The following SOX6 variants were observed in gnomAD, a reference collection of about 807,000 sequenced individuals.
SOX6 encodes the protein SRY-box transcription factor 6.
A neutral mutation model predicts 97.8 loss-of-function variants in SOX6; 11 were observed. The observed-to-expected ratio is 0.11, with a 90% CI of 0.07 to 0.19. The LOEUF (loss-of-function observed/expected upper bound fraction) is 0.19, where lower values mean the gene tolerates loss of function less well. Ranked by LOEUF, SOX6 falls within the 10% of genes least tolerant of loss-of-function variation. SOX6 has a pLI of 1.00. For missense variants in SOX6, 810 were observed against 1,039.5 expected (o/e 0.78, Z 3.04); for synonymous variants, 360 against 371.4 (o/e 0.97, Z 0.35).
chr11:16,639,996 A>G (rs1488153222), intron 3 of SOX6, among the ~76,000 whole-genome samples: 1 of 152,166 alleles, frequency 6.6e-6, no homozygotes, highest in Non-Finnish European at 1.5e-5. Flanking sequence ...CCAGTTTTCA[A>G]AGGGAATGCT....
chr11:16,474,557 A>G (rs1445155679), intron 1 of SOX6, among the ~76,000 whole-genome samples: 3 of 152,182 alleles, frequency 2.0e-5, no homozygotes, highest in Non-Finnish European at 2.9e-5. Flanking sequence ...TGCATTATCA[A>G]TGAGAAATAA....
intron 6 of SOX6, among the ~76,000 whole-genome samples, chr11:16,155,921 T>A (rs556687424): frequency 2.0e-5 from 3 of 152,076 alleles, no homozygotes; most frequent in Admixed American, 2.0e-4. Context: ...TCTCCCTGAA[T>A]ATCCAAATCC....
chr11:16,515,063 G>A (rs1237641656), intron 4 of SOX6, among the ~76,000 whole-genome samples: 1 of 151,250 alleles, frequency 6.6e-6, no homozygotes, highest in Non-Finnish European at 1.5e-5. Context: ...TATATACCCA[G>A]TAATGGGATG....
chr11:16,064,566 A>G, intron 9 of SOX6, among the ~76,000 whole-genome samples: 2 of 151,306 alleles, frequency 1.3e-5, no homozygotes, highest in Admixed American at 1.3e-4. Context: ...AGCCATATAT[A>G]TATATGAAGC....
chr11:16,362,688 C>T (rs930597060), intron 1 of SOX6, among the ~76,000 whole-genome samples: 17 of 152,012 alleles, frequency 1.1e-4, no homozygotes, highest in African/African-American at 3.4e-4. Flanking sequence ...CAGAGAAGCC[C>T]ATCTAGAATC....
intron 3 of SOX6, among the ~76,000 whole-genome samples, chr11:16,626,700 A>G (rs1848627894): frequency 1.3e-5 from 2 of 152,208 alleles, no homozygotes; most frequent in Admixed American, 6.5e-5. Context: ...CAGTTAGATC[A>G]TCTTTAAATT....
intron 12 of SOX6, among the ~76,000 whole-genome samples, chr11:16,033,219 A>C (rs992767535): frequency 1.3e-5 from 2 of 152,226 alleles, no homozygotes; most frequent in African/African-American, 4.8e-5. Context: ...TAAGGGAACC[A>C]GAAGAATATT....
intron 13 of SOX6, among the ~76,000 whole-genome samples, chr11:15,991,602 C>T (rs1466368998): frequency 6.6e-6 from 1 of 152,212 alleles, no homozygotes; most frequent in Non-Finnish European, 1.5e-5. Flanking sequence ...AAGTTAACTG[C>T]TATGCCACAG....
At chr11:16,287,296 T>TCACACA (rs1338178758) in intron 3 of SOX6, among the ~76,000 whole-genome samples, 21 of 120,102 alleles carry the variant, frequency 1.7e-4, no homozygotes, top group African/African-American at 6.8e-4. Context: ...TCTCTCTCTC[T>TCACACA]CTCACACACA....
chr11:16,478,818 A>G (rs1860296159), upstream of SOX6, among the ~76,000 whole-genome samples: 1 of 152,218 alleles, frequency 6.6e-6, no homozygotes, highest in Admixed American at 6.5e-5. Context: ...ATTTCCAAAA[A>G]CAAAAGCAGT....
chr11:16,356,904 GTTTTTCTGT>G (rs892428505), upstream of SOX6, among the ~76,000 whole-genome samples: 3 of 152,062 alleles, frequency 2.0e-5, no homozygotes, highest in African/African-American at 7.2e-5. Flanking sequence ...AATATCACAA[GTTTTTCTGT>G]TTGGTAGAGA....
At chr11:16,372,060 T>C (rs1857506752) in intron 1 of SOX6, among the ~76,000 whole-genome samples, 2 of 152,124 alleles carry the variant, frequency 1.3e-5, no homozygotes, top group Admixed American at 6.6e-5. Context: ...CTTAATTTGT[T>C]TACATTGTGA....
chr11:16,695,334 T>G (rs1848045735), intron 3 of SOX6, among the ~76,000 whole-genome samples: 2 of 152,008 alleles, frequency 1.3e-5, no homozygotes. Context: ...ATAAGCAAAA[T>G]TTTCATTAAA....
intron 4 of SOX6, among the ~76,000 whole-genome samples, chr11:16,539,506 C>A (rs989324964): frequency 1.3e-5 from 2 of 151,992 alleles, no homozygotes; most frequent in South Asian, 2.1e-4. Flanking sequence ...ATAAAAAAAA[C>A]CTTCAAAAAA....
intron 4 of SOX6, among the ~76,000 whole-genome samples, chr11:16,191,582 T>C (rs1590014666): frequency 6.6e-6 from 1 of 152,338 alleles, no homozygotes; most frequent in Non-Finnish European, 1.5e-5. Context: ...AGGAGCTACC[T>C]AACATCATCT....
intron 2 of SOX6, among the ~76,000 whole-genome samples, chr11:16,722,390 C>T (rs976362105): frequency 6.6e-6 from 1 of 152,178 alleles, no homozygotes; most frequent in Non-Finnish European, 1.5e-5. Context: ...CAGTGGTTCA[C>T]ACCTGTAATC....
chr11:16,306,185 T>C (rs2134281569), intron 3 of SOX6, among the ~76,000 whole-genome samples: 1 of 152,342 alleles, frequency 6.6e-6, no homozygotes, highest in Non-Finnish European at 1.5e-5. Context: ...TGTGCTATTA[T>C]ACAACAGTTT....
rs575947911 is a variant in SOX6 at position 16,071,333 on chromosome 11, G to C, written c.1102-15432C>G. Among the ~76,000 whole-genome samples, 3 of 152,292 alleles carry C rather than the reference G, an allele frequency of 2.0e-5. No homozygotes were observed. In the South Asian group the frequency reaches 6.2e-4, roughly 32 times the overall value. ...GTAGCCAGGCAGGCAACACCTGCTAGAGATTCTAGCCCAGTGGTCTCACTT... is the reference window on the plus strand; with the variant it reads ...GTAGCCAGGCAGGCAACACCTGCTACAGATTCTAGCCCAGTGGTCTCACTT... On this transcript the variant is annotated intron_variant, in intron 9 of 15. Coordinates refer to ENST00000683767, the MANE Select transcript of SOX6 (RefSeq NM_001367873.1).
At chr11:15,980,338 G>T (rs1853620318) in intron 15 of SOX6, among the ~76,000 whole-genome samples, 1 of 152,084 alleles carries the variant, frequency 6.6e-6, no homozygotes, top group South Asian at 2.1e-4. Context: ...ACCCTTGGAA[G>T]AGTTCAAGAA....
Sources: gnomAD v4.1 joint callset for allele counts (sites outside exome capture counted in the v4.1 genomes callset) on GRCh38, gnomAD v4.1.1 for gene constraint, MANE v1.5 for transcripts, NCBI Gene and HGNC (gene_info 2026-07-23, HGNC 2026-07-21) for gene names.